WWOX: variants seen among roughly 807,000 people sequenced by gnomAD.
WWOX encodes WW domain containing oxidoreductase.
WWOX carries 69 observed loss-of-function variants against 46.2 expected under a neutral mutation model. That is an observed-to-expected ratio of 1.49 (90% CI 1.23 to 1.82). The LOEUF (loss-of-function observed/expected upper bound fraction) is 1.82. Among genes scored for constraint, WWOX ranks in the 40% most tolerant of loss-of-function variants. WWOX has a pLI of 0.00. For synonymous variants in WWOX, 359 were observed against 202.6 expected, an observed-to-expected ratio of 1.77 and a Z score of -6.56; for missense variants, 919 against 542.6, an observed-to-expected ratio of 1.69 and a Z score of -6.89.
At chr16:78,356,021 GT>G (rs1221455201) in intron 5 of WWOX, among the ~76,000 whole-genome samples, 1 of 122,642 alleles carries the variant, frequency 8.2e-6, no homozygotes, top group Non-Finnish European at 1.7e-5. Flanking sequence ...TGGTATTTTC[GT>G]TTTTCTCAAG....
chr16:78,460,920 C>T (rs1197380943), intron 8 of WWOX, among the ~76,000 whole-genome samples: 1 of 152,122 alleles, frequency 6.6e-6, no homozygotes, highest in Non-Finnish European at 1.5e-5. Flanking sequence ...AAGAAATAGG[C>T]CCTCCAGATA....
intron 8 of WWOX, among the ~76,000 whole-genome samples, chr16:78,632,526 C>T (rs4888821): frequency 6.8e-6 from 1 of 147,708 alleles, no homozygotes. Context: ...CCTCATACCA[C>T]AGACACTCTC....
At position 78,231,784 on chromosome 16, in the gene WWOX, C is replaced by T. The variant is rs537628301; in HGVS notation, c.516+67495C>T. On this transcript the variant is annotated intron_variant, in intron 5 of 8. Coordinates refer to ENST00000566780, the MANE Select transcript of WWOX (RefSeq NM_016373.4). Reference sequence around the variant, plus strand: ...GAGAAATCCAGGGTAGGAACGGGTCCCATCTTGATTTCAATGTCTTTTTTG... The same window carrying T: ...GAGAAATCCAGGGTAGGAACGGGTCTCATCTTGATTTCAATGTCTTTTTTG... 1.8e-3 allele frequency among the ~76,000 whole-genome samples: 267 copies of T among 152,180 alleles called. 1 individual carries two copies. The highest frequency in any genetic ancestry group is 2.9e-3 in the Non-Finnish European group (198 of 68,012).
chr16:78,848,015 G>A (rs1047154359), intron 8 of WWOX, among the ~76,000 whole-genome samples: 3 of 152,090 alleles, frequency 2.0e-5, no homozygotes, highest in East Asian at 1.9e-4. Context: ...ATAGCCTGTC[G>A]GTGCCTGGCA....
intron 8 of WWOX, among the ~76,000 whole-genome samples, chr16:78,556,261 TAAA>T (rs879764844): frequency 1.3e-4 from 16 of 126,834 alleles, no homozygotes; most frequent in Admixed American, 1.6e-4. Flanking sequence ...CCTCCTCCTC[TAAA>T]AAAAAAAAAA....
At chr16:78,183,167 C>T (rs991341082) in intron 5 of WWOX, among the ~76,000 whole-genome samples, 3 of 151,938 alleles carry the variant, frequency 2.0e-5, no homozygotes, top group Non-Finnish European at 2.9e-5. Context: ...TATAGGTATG[C>T]GAGACGTTGT....
At chr16:79,155,401 G>A (rs1470239103) in intron 8 of WWOX, among the ~76,000 whole-genome samples, 1 of 151,892 alleles carries the variant, frequency 6.6e-6, no homozygotes, top group South Asian at 2.1e-4. Context: ...AAGGTGGGGG[G>A]GTGGGCAGAG....
chr16:79,032,470 A>G lies in WWOX; in HGVS notation c.1057-179138A>G, dbSNP rs1325722936. On this transcript the variant is annotated intron_variant, in intron 8 of 8. Transcript: ENST00000566780. ...TATGGGTTTCTATATATTATAATAA[A>G]CCCATATATAATATACATAATAGAC... 2.7e-5 allele frequency among the ~76,000 whole-genome samples: 4 copies of G among 147,818 alleles called. No individual in the cohort carries two copies. In the East Asian group the frequency reaches 5.8e-4, roughly 22 times the overall value.
intron 8 of WWOX, among the ~76,000 whole-genome samples, chr16:78,520,827 A>C (rs956958563): frequency 1.3e-5 from 2 of 152,138 alleles, no homozygotes; most frequent in African/African-American, 4.8e-5. Flanking sequence ...CTGGAAGTCC[A>C]GTTTTTCTGA....
intron 4 of WWOX, among the ~76,000 whole-genome samples, chr16:78,154,231 A>G (rs1016398829): frequency 6.6e-6 from 1 of 152,158 alleles, no homozygotes; most frequent in Non-Finnish European, 1.5e-5. Context: ...TGCTCGGGAT[A>G]AGAGGGCACC....
intron 8 of WWOX, among the ~76,000 whole-genome samples, chr16:79,120,449 A>G (rs2049606108): frequency 6.6e-6 from 1 of 152,300 alleles, no homozygotes; most frequent in Middle Eastern, 3.4e-3. Flanking sequence ...CCTCCTGCCA[A>G]GAGCCCCCAT....
At chr16:79,094,343 T>A (rs2049026345) in intron 8 of WWOX, among the ~76,000 whole-genome samples, 1 of 151,236 alleles carries the variant, frequency 6.6e-6, no homozygotes. Flanking sequence ...AAACTCCAAC[T>A]GGTTCAAGCA....
intron 8 of WWOX, among the ~76,000 whole-genome samples, chr16:78,671,273 A>T (rs2047457271): frequency 1.3e-5 from 2 of 152,028 alleles, no homozygotes; most frequent in Non-Finnish European, 2.9e-5. Context: ...AAATACCAAA[A>T]AATGAGCCGG....
At chr16:78,114,906 A>G (rs2151674449) in intron 3 of WWOX, 70 bp from the exon 4 acceptor site, 3 of 1,605,072 alleles carry the variant, frequency 1.9e-6, no homozygotes, top group East Asian at 2.2e-5. Context: ...TTCCTAAAGT[A>G]TAAGATTGTC....
At chr16:78,591,776 G>T (rs954511034) in intron 8 of WWOX, among the ~76,000 whole-genome samples, 1 of 152,154 alleles carries the variant, frequency 6.6e-6, no homozygotes, top group Non-Finnish European at 1.5e-5. Context: ...CACTGGACAG[G>T]GTGGCCTGGG....
chr16:79,030,219 T>C (rs181787631), intron 8 of WWOX, among the ~76,000 whole-genome samples: 3 of 152,254 alleles, frequency 2.0e-5, no homozygotes, highest in Non-Finnish European at 4.4e-5. Flanking sequence ...TGTAATTATT[T>C]TGTATTACTT....
At chr16:79,067,584 C>G (rs560826855) in intron 8 of WWOX, among the ~76,000 whole-genome samples, 4 of 139,582 alleles carry the variant, frequency 2.9e-5, no homozygotes, top group Non-Finnish European at 6.0e-5. Flanking sequence ...ACTTCATGCT[C>G]ATCCTCTGCC....
intron 8 of WWOX, among the ~76,000 whole-genome samples, chr16:79,086,260 C>A (rs2048852352): frequency 6.6e-6 from 1 of 152,158 alleles, no homozygotes; most frequent in South Asian, 2.1e-4. Context: ...GTTCAGGCAA[C>A]TTTTCATCCT....
chr16:78,309,901 A>G (rs543542031), intron 5 of WWOX, among the ~76,000 whole-genome samples: 1 of 152,242 alleles, frequency 6.6e-6, no homozygotes, highest in Non-Finnish European at 1.5e-5. Flanking sequence ...GTAAATAGGG[A>G]TAATAATTGG....
Sources: gnomAD v4.1 joint callset for allele counts (sites outside exome capture counted in the v4.1 genomes callset) on GRCh38, gnomAD v4.1.1 for gene constraint, MANE v1.5 for transcripts, NCBI Gene and HGNC (gene_info 2026-07-23, HGNC 2026-07-21) for gene names.